The following AGAP1 variants were observed in gnomAD, a reference collection of about 807,000 sequenced individuals.
The protein encoded by AGAP1 is ArfGAP with GTPase domain, ankyrin repeat and PH domain 1.
In AGAP1, 29 loss-of-function variants were observed where a neutral mutation model predicts 105.3. That is an observed-to-expected ratio of 0.28 (90% CI 0.21 to 0.38). The LOEUF is 0.38. Among genes scored for constraint, AGAP1 ranks in the 10% least tolerant of loss-of-function variants. The pLI is 1.00. For missense variants in AGAP1, 998 were observed against 1,165.1 expected (o/e 0.86, Z 2.09); for synonymous variants, 509 against 485.9 (o/e 1.05, Z -0.63).
At chr2:236,071,185 A>G (rs2058486134) in intron 16 of AGAP1, among the ~76,000 whole-genome samples, 1 of 152,238 alleles carries the variant, frequency 6.6e-6, no homozygotes, top group South Asian at 2.1e-4. Context: ...CTTAGCCCCG[A>G]ATAATCCTTT....
At chr2:235,526,798 GT>G (rs139363559) in intron 1 of AGAP1, among the ~76,000 whole-genome samples, 5,899 of 152,200 alleles carry the variant, frequency 0.039, 405 homozygotes, top group African/African-American at 0.13. Flanking sequence ...GTTCAGAATA[GT>G]TATGATTTAT....
chr2:235,613,724 A>G (rs1946216445), intron 1 of AGAP1, among the ~76,000 whole-genome samples: 1 of 152,248 alleles, frequency 6.6e-6, no homozygotes, highest in Admixed American at 6.5e-5. Context: ...CTACTGATAA[A>G]TTAAAAGAAA....
chr2:236,039,893 C>T (rs1284433196), intron 14 of AGAP1, among the ~76,000 whole-genome samples: 3 of 151,926 alleles, frequency 2.0e-5, no homozygotes, highest in African/African-American at 7.3e-5. Context: ...TTCTTTTTCC[C>T]CTCTCTGTAT....
At position 235,744,990 on chromosome 2, in the gene AGAP1, C is replaced by A; in HGVS notation, c.538+151C>A. The A allele has an allele frequency of 1.1e-6, 1 of 932,888 alleles. No homozygotes were observed. Among genetic ancestry groups the A allele is most frequent in the Non-Finnish European group, 1.6e-6 (1 of 642,436 alleles). The allele number at this position is 932,888 out of a possible 1,614,324, so 57.8% of individuals were successfully genotyped here. A position where few individuals can be genotyped will look rare whatever the true frequency, so the allele number is the denominator to read the frequency against. On this transcript the variant is annotated intron_variant, in intron 5 of 17. Transcript: ENST00000304032. This position sits in a 1 kb window ranked among gnomAD's most constrained non-coding sequence, Gnocchi z 5.2. ...AAAAATTATGGAACTGAAATGATCA[C>A]ATTTCCTGATTTGATTCTATGGTGA...
Position 235,729,473 on chromosome 2 carries a change from C to T in AGAP1, c.311-11490C>T, listed in dbSNP as rs1475601350. On this transcript the variant is annotated intron_variant, in intron 3 of 17. Coordinates refer to ENST00000304032, the MANE Select transcript of AGAP1 (RefSeq NM_001037131.3). This position sits in a 1 kb window ranked among gnomAD's most constrained non-coding sequence, Gnocchi z 5.0. ...CAGCTCAGCCTGAGAGCCAGTGACC[C>T]CCTCCCCCAGGAGGATGCTGTAGGG... 6.6e-6 allele frequency among the ~76,000 whole-genome samples: 1 copy of T among 152,104 alleles called. No homozygotes were observed. Among genetic ancestry groups the T allele is most frequent in the African/African-American group, 2.4e-5 (1 of 41,364 alleles).
At chr2:236,075,263 T>A (rs1455738651) in intron 16 of AGAP1, among the ~76,000 whole-genome samples, 2 of 152,120 alleles carry the variant, frequency 1.3e-5, no homozygotes, top group Non-Finnish European at 2.9e-5. Context: ...TTTTTTTTAC[T>A]AGAAATCACT....
intron 1 of AGAP1, among the ~76,000 whole-genome samples, chr2:235,646,613 T>G (rs1947396063): frequency 6.6e-6 from 1 of 152,208 alleles, no homozygotes; most frequent in African/African-American, 2.4e-5. Flanking sequence ...GGTGTGTCGC[T>G]TCTCTCCCTT....
chr2:235,532,592 C>T (rs763910487), intron 1 of AGAP1, among the ~76,000 whole-genome samples: 1 of 152,164 alleles, frequency 6.6e-6, no homozygotes, highest in African/African-American at 2.4e-5. Context: ...TTTTCTTTGT[C>T]CTCGCCTTTT....
intron 5 of AGAP1, among the ~76,000 whole-genome samples, chr2:235,746,420 C>G (rs1247734968): frequency 5.4e-5 from 4 of 73,398 alleles, no homozygotes; most frequent in East Asian, 4.1e-4. Flanking sequence ...TTAAAGCGTA[C>G]GTGGTCGCTC....
At chr2:235,710,271 G>A (rs1950784529) in intron 2 of AGAP1, among the ~76,000 whole-genome samples, 1 of 152,210 alleles carries the variant, frequency 6.6e-6, no homozygotes, top group African/African-American at 2.4e-5. Context: ...TGTCTGAGAT[G>A]AGGAGATAGA....
chr2:235,928,589 G>T (rs1369633976), intron 11 of AGAP1, among the ~76,000 whole-genome samples: 1 of 152,222 alleles, frequency 6.6e-6, no homozygotes, highest in Non-Finnish European at 1.5e-5. Flanking sequence ...TGCCTTCCCA[G>T]GAGGAGAGCA....
At position 235,915,397 on chromosome 2, in the gene AGAP1, C is replaced by T. The variant is rs563921328; in HGVS notation, c.1324+6491C>T. ...GCAAACAGAGAGCACGTGTTTGGCCCAGCGCAGTGGCTCATGCCTGTAATC... is the reference window on the plus strand; with the variant it reads ...GCAAACAGAGAGCACGTGTTTGGCCTAGCGCAGTGGCTCATGCCTGTAATC... On this transcript the variant is annotated intron_variant, in intron 11 of 17. Transcript: ENST00000304032. Among the ~76,000 whole-genome samples, 6 of 152,254 alleles carry T rather than the reference C, an allele frequency of 3.9e-5. No individual in the cohort carries two copies. In the East Asian group the frequency reaches 7.7e-4, roughly 20 times the overall value.
chr2:235,786,331 T>C (rs961065867), intron 6 of AGAP1, among the ~76,000 whole-genome samples: 1 of 152,352 alleles, frequency 6.6e-6, no homozygotes, highest in South Asian at 2.1e-4. Flanking sequence ...AATGAGAGTC[T>C]ATATTCAACT....
At chr2:235,871,636 T>TA (rs1388395299) in intron 9 of AGAP1, among the ~76,000 whole-genome samples, 5 of 152,234 alleles carry the variant, frequency 3.3e-5, no homozygotes, top group Non-Finnish European at 2.9e-5. Flanking sequence ...CTGTTTTTCT[T>TA]ACCTGTTGCT....
chr2:235,939,417 C>T (rs547994535), intron 12 of AGAP1, among the ~76,000 whole-genome samples: 1 of 152,200 alleles, frequency 6.6e-6, no homozygotes, highest in East Asian at 1.9e-4. Flanking sequence ...TCTGCTTCCG[C>T]GGACACCCTC....
chr2:235,941,954 C>G (rs1020965583), intron 12 of AGAP1, among the ~76,000 whole-genome samples: 1 of 152,124 alleles, frequency 6.6e-6, no homozygotes. Flanking sequence ...AAGGTTTGCC[C>G]GTGATCCTGA....
intron 16 of AGAP1, among the ~76,000 whole-genome samples, chr2:236,081,729 A>G (rs180940467): frequency 2.0e-5 from 3 of 151,012 alleles, no homozygotes; most frequent in Non-Finnish European, 4.4e-5. Flanking sequence ...TTTTAAGTAG[A>G]ATCCTATTGC....
At position 235,600,118 on chromosome 2, in the gene AGAP1, T is replaced by C. The variant is rs1292625426; in HGVS notation, c.163+105269T>C. Reference sequence around the variant, plus strand: ...CTTTCTTCCTCTCTCGTAACTGTTATTTACTCAGTAATTACAGGTTCAAGT... The same window carrying C: ...CTTTCTTCCTCTCTCGTAACTGTTACTTACTCAGTAATTACAGGTTCAAGT... On this transcript the variant is annotated intron_variant, in intron 1 of 17. Coordinates refer to ENST00000304032, the MANE Select transcript of AGAP1 (RefSeq NM_001037131.3). The surrounding 1 kb of genome is among the most constrained non-coding windows in gnomAD (Gnocchi z 4.8). Among the ~76,000 whole-genome samples the C allele has an allele frequency of 1.3e-5, 2 of 152,204 alleles. No homozygotes were observed. The highest frequency in any genetic ancestry group is 2.1e-4 in the South Asian group (1 of 4,828).
intron 11 of AGAP1, among the ~76,000 whole-genome samples, chr2:235,925,612 C>G (rs1027914872): frequency 6.6e-6 from 1 of 152,192 alleles, no homozygotes; most frequent in African/African-American, 2.4e-5. Context: ...CTTAAACTCA[C>G]CGTCTTAGCT....
Sources: allele counts gnomAD v4.1 joint callset (sites outside exome capture counted in the v4.1 genomes callset), GRCh38; gene constraint gnomAD v4.1.1; non-coding constraint Gnocchi (gnomAD v3.1); transcripts MANE v1.5; gene names NCBI Gene and HGNC (gene_info 2026-07-23, HGNC 2026-07-21).